The following MIR2052HG variants were observed in gnomAD, a reference collection of about 807,000 sequenced individuals.
MIR2052HG encodes the protein MIR2052 host gene.
At chr8:74,686,795 A>C (rs573462326) in intron 2 of MIR2052HG, among the ~76,000 whole-genome samples, 2 of 152,136 alleles carry the variant, frequency 1.3e-5, no homozygotes, top group Non-Finnish European at 2.9e-5. Context: ...TTTTGCCTTC[A>C]CTGGACTTAC....
chr8:74,602,876 T>TCTTTCTTTCTTTCTTTCTTTCTTTCTTTC (rs1554570015), intron 1 of MIR2052HG, among the ~76,000 whole-genome samples: 112 of 137,052 alleles, frequency 8.2e-4, no homozygotes, highest in Non-Finnish European at 1.0e-3. Context: ...TTTCTTTCTT[T>TCTTTCTTTCTTTCTTTCTTTCTTTCTTTC]TTTCTATTCA....
chr8:74,750,507 TAAAGAC>T, intron 4 of MIR2052HG, among the ~76,000 whole-genome samples: 1 of 152,296 alleles, frequency 6.6e-6, no homozygotes, highest in African/African-American at 2.4e-5. Context: ...AATATAATAT[TAAAGAC>T]AAATGTGTCA....
At chr8:74,653,465 G>A (rs1165752019) in intron 2 of MIR2052HG, among the ~76,000 whole-genome samples, 1 of 152,158 alleles carries the variant, frequency 6.6e-6, no homozygotes, top group Non-Finnish European at 1.5e-5. Context: ...AGATTTCAGT[G>A]GGGGTGTTTG....
chr8:74,733,991 A>C (rs1246840199), intron 4 of MIR2052HG, among the ~76,000 whole-genome samples: 2 of 152,242 alleles, frequency 1.3e-5, no homozygotes, highest in Admixed American at 1.3e-4. Flanking sequence ...AATGGGATCT[A>C]ATTAAACTAA....
At chr8:74,626,132 G>A (rs1453101397) in intron 2 of MIR2052HG, among the ~76,000 whole-genome samples, 3 of 152,200 alleles carry the variant, frequency 2.0e-5, no homozygotes, top group African/African-American at 4.8e-5. Context: ...TGGGTGCCCC[G>A]GGAGAACAGC....
intron 2 of MIR2052HG, among the ~76,000 whole-genome samples, chr8:74,641,790 G>T (rs1300290619): frequency 6.6e-6 from 1 of 152,118 alleles, no homozygotes; most frequent in Non-Finnish European, 1.5e-5. Context: ...ATACTTGTAG[G>T]TTATATCCAA....
rs566500834 is a variant in MIR2052HG at position 74,744,552 on chromosome 8, A to G, written n.372-7889A>G. Among the ~76,000 whole-genome samples, 206 of 149,364 alleles carry G rather than the reference A, an allele frequency of 1.4e-3. 1 individual carries two copies. Among genetic ancestry groups the G allele is most frequent in the African/African-American group, 4.9e-3 (196 of 40,394 alleles). ...CATGTGATCTCATTGTTCAATTCCCACCTATGAGTGAGAATATGCGGTGTT... is the reference window on the plus strand; with the variant it reads ...CATGTGATCTCATTGTTCAATTCCCGCCTATGAGTGAGAATATGCGGTGTT... On this transcript the variant is annotated intron_variant and non_coding_transcript_variant, in intron 4 of 6. Transcript: ENST00000523442.
chr8:74,664,575 C>G (rs1212159026), intron 2 of MIR2052HG, among the ~76,000 whole-genome samples: 2 of 151,932 alleles, frequency 1.3e-5, no homozygotes, highest in Non-Finnish European at 2.9e-5. Flanking sequence ...TGGAGTGCAA[C>G]AGCACAATCT....
At chr8:74,625,970 T>G (rs1220304624) in intron 2 of MIR2052HG, among the ~76,000 whole-genome samples, 1 of 152,292 alleles carries the variant, frequency 6.6e-6, no homozygotes, top group South Asian at 2.1e-4. Context: ...AAGATGAATA[T>G]TTGGGAACAT....
intron 2 of MIR2052HG, among the ~76,000 whole-genome samples, chr8:74,621,324 A>G (rs542176661): frequency 6.6e-6 from 1 of 152,268 alleles, no homozygotes; most frequent in African/African-American, 2.4e-5. Flanking sequence ...AGTTGCTTCC[A>G]CATTTTCACA....
At chr8:74,683,819 G>T (rs2128739306) in intron 2 of MIR2052HG, among the ~76,000 whole-genome samples, 1 of 152,166 alleles carries the variant, frequency 6.6e-6, no homozygotes, top group Non-Finnish European at 1.5e-5. Flanking sequence ...CTTGTGGCTG[G>T]TTCTAGCTCT....
chr8:74,664,161 A>C (rs961808550), intron 2 of MIR2052HG, among the ~76,000 whole-genome samples: 2 of 151,896 alleles, frequency 1.3e-5, no homozygotes, highest in South Asian at 2.1e-4. Context: ...AAAAAAAAAA[A>C]CTATGTATTG....
At chr8:74,604,495 C>T (rs866964046) in intron 1 of MIR2052HG, among the ~76,000 whole-genome samples, 30 of 7,150 alleles carry the variant, frequency 4.2e-3, no homozygotes, top group African/African-American at 0.016. Context: ...GACCCCGGGG[C>T]GGGTGGGGGT....
At chr8:74,641,112 T>C (rs1808635214) in intron 2 of MIR2052HG, among the ~76,000 whole-genome samples, 1 of 152,192 alleles carries the variant, frequency 6.6e-6, no homozygotes, top group Admixed American at 6.5e-5. Flanking sequence ...ATCGTGAAGA[T>C]AGTCTGTATA....
chr8:74,647,865 A>C (rs994107472), intron 2 of MIR2052HG, among the ~76,000 whole-genome samples: 10 of 152,162 alleles, frequency 6.6e-5, no homozygotes, highest in Non-Finnish European at 1.3e-4. Flanking sequence ...TCACTTCCCC[A>C]ATCAATATTC....
At chr8:74,676,327 A>G (rs975284377) in intron 2 of MIR2052HG, among the ~76,000 whole-genome samples, 2 of 152,054 alleles carry the variant, frequency 1.3e-5, no homozygotes, top group African/African-American at 4.8e-5. Flanking sequence ...AAGAACTGAA[A>G]TACTGGACAG....
intron 2 of MIR2052HG, among the ~76,000 whole-genome samples, chr8:74,648,538 C>G (rs1473159464): frequency 6.6e-6 from 1 of 152,132 alleles, no homozygotes; most frequent in East Asian, 1.9e-4. Flanking sequence ...TACACCCACT[C>G]CCCAGCAAAA....
intron 2 of MIR2052HG, among the ~76,000 whole-genome samples, chr8:74,682,503 A>C (rs1390322894): frequency 6.6e-6 from 1 of 152,192 alleles, no homozygotes; most frequent in African/African-American, 2.4e-5. Context: ...ATTTCAACAA[A>C]GGGAAAACAT....
rs138038306 is a variant in MIR2052HG at position 74,626,311 on chromosome 8, A to G, written n.216+13371A>G. 4.8e-3 allele frequency among the ~76,000 whole-genome samples: 727 copies of G among 152,110 alleles called. 4 individuals carry two copies. Among genetic ancestry groups the G allele is most frequent in the African/African-American group, 0.017 (688 of 41,444 alleles). On this transcript the variant is annotated intron_variant and non_coding_transcript_variant, in intron 2 of 6. Coordinates refer to ENST00000523442, the Ensembl canonical transcript of MIR2052HG. ...AAAAATATTTTGCCTCATTTCCTAT[A>G]CCCCTAGGTCCTGGCTTGGCCACTA...
Sources: gnomAD v4.1 joint callset for allele counts (sites outside exome capture counted in the v4.1 genomes callset) on GRCh38, gnomAD v4.1.1 for gene constraint, MANE v1.5 for transcripts, NCBI Gene and HGNC (gene_info 2026-07-23, HGNC 2026-07-21) for gene names.